Variants in KDM2A observed in about 807,000 individuals in gnomAD.
KDM2A encodes lysine-specific demethylase 2A.
KDM2A carries 3 observed loss-of-function variants against 137.3 expected under a neutral mutation model. The ratio of observed to expected loss-of-function variants is 0.02; its 90% CI spans 0.01 to 0.06. The LOEUF (loss-of-function observed/expected upper bound fraction) is 0.06. Among genes scored for constraint, KDM2A ranks in the 10% least tolerant of loss-of-function variants. The pLI is 1.00. For synonymous variants in KDM2A, 512 were observed against 541.5 expected, an observed-to-expected ratio of 0.95 and a Z score of 0.76; for missense variants, 738 against 1,510.6, an observed-to-expected ratio of 0.49 and a Z score of 8.48.
At chr11:67,247,310 G>A (rs183948401) in intron 15 of KDM2A, among the ~76,000 whole-genome samples, 3 of 148,712 alleles carry the variant, frequency 2.0e-5, no homozygotes, top group South Asian at 4.2e-4. Context: ...GGCCGGTCTC[G>A]AACTCCTAAC....
At chr11:67,183,293 ATTTGACCTCTTT>A (rs1304619649) in intron 5 of KDM2A, among the ~76,000 whole-genome samples, 1 of 152,270 alleles carries the variant, frequency 6.6e-6, no homozygotes, top group Non-Finnish European at 1.5e-5. Context: ...ATAGTCTGTA[ATTTGACCTCTTT>A]TATTAAAGAG....
Position 67,215,960 on chromosome 11 carries a change from A to C in KDM2A, c.687+11A>C. 8.1e-6 allele frequency: 13 copies of C among 1,603,586 alleles called. No homozygotes were observed. Among genetic ancestry groups the C allele is most frequent in the Non-Finnish European group, 1.1e-5 (13 of 1,170,536 alleles). On this transcript the variant is annotated intron_variant, in intron 8 of 20. Coordinates refer to ENST00000529006, the MANE Select transcript of KDM2A (RefSeq NM_012308.3). ...CATCAAGGGGGAAAGGTATGGTCAT[A>C]GTTGTGATAGGGGTTGGAATCTGAA...
chr11:67,203,033 A>G lies in KDM2A; in HGVS notation c.308-4477A>G, dbSNP rs373403280. ...AAAAAAAAAAAGAAAAACGGTTTAC[A>G]CTTCAGCGAAAGAAAAAGAAGTTGC... is the stretch of plus-strand genomic sequence containing the variant. On this transcript the variant is annotated intron_variant, in intron 5 of 20. Transcript: ENST00000529006. Among the ~76,000 whole-genome samples, 17 of 151,306 alleles carry G rather than the reference A, an allele frequency of 1.1e-4. 1 individual carries two copies. The South Asian group carries it at 2.9e-3, about 26-fold the overall frequency.
intron 2 of KDM2A, among the ~76,000 whole-genome samples, chr11:67,136,482 A>C (rs1855971833): frequency 6.6e-6 from 1 of 152,292 alleles, no homozygotes; most frequent in East Asian, 1.9e-4. Flanking sequence ...TTGAGTGCTT[A>C]TGTTGTACTA....
chr11:67,128,710 A>G (rs1178769689), intron 2 of KDM2A, among the ~76,000 whole-genome samples: 1 of 152,236 alleles, frequency 6.6e-6, no homozygotes, highest in African/African-American at 2.4e-5. Context: ...TTTGCTGAGC[A>G]TTAATCACTA....
At chr11:67,219,534 G>T in intron 10 of KDM2A, 131 bp downstream of exon 10, 1 of 448,116 alleles carries the variant, frequency 2.2e-6, no homozygotes, top group South Asian at 5.2e-5. Flanking sequence ...TTGACATTTT[G>T]GGAACACACA....
At chr11:67,158,287 C>T (rs1856565520) in intron 2 of KDM2A, among the ~76,000 whole-genome samples, 2 of 152,110 alleles carry the variant, frequency 1.3e-5, no homozygotes, top group African/African-American at 4.8e-5. Context: ...TTGAATATTG[C>T]ATTGTATGGA....
At chr11:67,124,278 A>G (rs986480376) in intron 2 of KDM2A, among the ~76,000 whole-genome samples, 48 of 152,012 alleles carry the variant, frequency 3.2e-4, no homozygotes, top group Non-Finnish European at 1.5e-4. Context: ...TGCTGGGATT[A>G]CAGGTGTGAG....
chr11:67,229,862 T>C (rs1483770146), intron 11 of KDM2A, among the ~76,000 whole-genome samples: 4 of 141,478 alleles, frequency 2.8e-5, no homozygotes, highest in Non-Finnish European at 6.1e-5. Context: ...AGAGTGAGAC[T>C]CCGTCTCAAA....
At chr11:67,152,397 G>T (rs750351832) in intron 2 of KDM2A, among the ~76,000 whole-genome samples, 1 of 151,832 alleles carries the variant, frequency 6.6e-6, no homozygotes, top group African/African-American at 2.4e-5. Context: ...TTGGAGGGTC[G>T]TTTGAGACCA....
At chr11:67,239,825 G>A (rs1002686339) in intron 12 of KDM2A, among the ~76,000 whole-genome samples, 1 of 152,238 alleles carries the variant, frequency 6.6e-6, no homozygotes. Flanking sequence ...GTCTGCCACC[G>A]GGAGCCCTCA....
At position 67,173,203 on chromosome 11, in the gene KDM2A, A is replaced by G. The variant is rs920647215; in HGVS notation, c.43-6876A>G. ...AGTGGCGCGATCTCAGCACACTGCA[A>G]CCTCTGCCTCGCGGGTTCAAGCAAT... On this transcript the variant is annotated intron_variant, in intron 2 of 20. Coordinates refer to ENST00000529006, the MANE Select transcript of KDM2A (RefSeq NM_012308.3). 2.0e-5 allele frequency among the ~76,000 whole-genome samples: 3 copies of G among 152,050 alleles called. No homozygotes were observed. The South Asian group carries it at 6.2e-4, about 31-fold the overall frequency.
At chr11:67,195,279 G>T (rs1195535909) in intron 5 of KDM2A, among the ~76,000 whole-genome samples, 1 of 132,618 alleles carries the variant, frequency 7.5e-6, no homozygotes, top group Non-Finnish European at 1.5e-5. Flanking sequence ...TAAGGCAGGA[G>T]AATCACTTGA....
chr11:67,188,437 G>A (rs1428841266), intron 5 of KDM2A, among the ~76,000 whole-genome samples: 13 of 148,400 alleles, frequency 8.8e-5, no homozygotes, highest in Admixed American at 8.1e-4. Context: ...AGCTGAGATC[G>A]CGCCACTGCA....
chr11:67,149,431 A>G (rs945281676), intron 2 of KDM2A, among the ~76,000 whole-genome samples: 26 of 152,180 alleles, frequency 1.7e-4, no homozygotes, highest in African/African-American at 6.3e-4. Flanking sequence ...ATACGTTATT[A>G]TATATAACAA....
chr11:67,250,468 C>T lies in KDM2A; in HGVS notation c.2438C>T (p.Thr813Ile), dbSNP rs769064474. 25 of 1,613,974 alleles carry T rather than the reference C, an allele frequency of 1.5e-5. No individual in the cohort carries two copies. The African/African-American group carries it at 2.9e-4, about 19-fold the overall frequency. ...LQRPTKELHGTSIVPKLQAIT... is the reference protein window; with the variant it reads ...LQRPTKELHGISIVPKLQAIT... The stretch of plus-strand genomic sequence containing the variant: ...AGGCCCACCAAAGAGCTCCACGGGA[C>T]ATCCATTGTGCCCAAGCTGCAGGCC... Residue 813 changes from threonine to isoleucine, a missense_variant, in exon 17 of 21, where the codon ACA becomes ATA. By Grantham distance (89) the Thr-to-Ile change is moderately conservative. This residue lies in a region of KDM2A where 244 missense variants were observed against 324.6 expected (regional missense o/e 0.75). Transcript: ENST00000529006. This position sits in a 1 kb window ranked among gnomAD's most constrained non-coding sequence, Gnocchi z 7.1.
At chr11:67,142,075 G>A (rs1392708923) in intron 2 of KDM2A, among the ~76,000 whole-genome samples, 1 of 151,820 alleles carries the variant, frequency 6.6e-6, no homozygotes, top group African/African-American at 2.4e-5. Context: ...GTCTTGCTGT[G>A]TCGTCCAGGC....
In KDM2A at chr11:67,128,618, C is replaced by G. The variant is rs1439261186; in HGVS notation, c.42+7260C>G. Among the ~76,000 whole-genome samples the G allele has an allele frequency of 3.9e-5, 6 of 152,098 alleles. No individual in the cohort carries two copies. In the East Asian group the frequency reaches 9.6e-4, roughly 24 times the overall value. On this transcript the variant is annotated intron_variant, in intron 2 of 20. Transcript: ENST00000529006. ...TGACAACTAATTTTTTATTCTTATA[C>G]ATCAGTCTTCCACAGTAAGCTATAT... is the stretch of plus-strand genomic sequence containing the variant.
chr11:67,200,394 T>A (rs1291408479), intron 5 of KDM2A, among the ~76,000 whole-genome samples: 3 of 152,120 alleles, frequency 2.0e-5, no homozygotes, highest in Non-Finnish European at 4.4e-5. Flanking sequence ...TTTTTTCGTA[T>A]TTTTAGTAGA....
Sources: gnomAD v4.1 joint callset for allele counts (sites outside exome capture counted in the v4.1 genomes callset) on GRCh38, gnomAD v4.1.1 for gene constraint, gnomAD v4.1.1 regional missense constraint, Gnocchi (gnomAD v3.1) non-coding constraint, MANE v1.5 for transcripts, NCBI Gene and HGNC (gene_info 2026-07-23, HGNC 2026-07-21) for gene names.